Variants in AMMECR1L observed in about 807,000 individuals in gnomAD.
AMMECR1L encodes the protein AMMECR1 like.
AMMECR1L carries 4 observed loss-of-function variants against 36.8 expected under a neutral mutation model. The ratio of observed to expected loss-of-function variants is 0.11; its 90% CI spans 0.05 to 0.25. The LOEUF (loss-of-function observed/expected upper bound fraction) is 0.25. AMMECR1L is among the 10% of genes least tolerant of loss of function. The probability of loss-of-function intolerance (pLI) is 1.00; values close to 1 mark genes in which losing one functional copy is unlikely to be tolerated. For missense variants in AMMECR1L, 232 were observed against 392.1 expected (o/e 0.59, Z 3.45); for synonymous variants, 147 against 148.0 (o/e 0.99, Z 0.05).
intron 2 of AMMECR1L, among the ~76,000 whole-genome samples, chr2:127,879,818 A>G (rs2104776205): frequency 6.6e-6 from 1 of 152,332 alleles, no homozygotes; most frequent in South Asian, 2.1e-4. Flanking sequence ...AGTACTAGGT[A>G]AGGTACTTCA....
chr2:127,866,677 C>G (rs1239886507), intron 7 of AMMECR1L, among the ~76,000 whole-genome samples: 1 of 152,200 alleles, frequency 6.6e-6, no homozygotes, highest in Non-Finnish European at 1.5e-5. Context: ...CAGGGCAGAC[C>G]TGCCCTGCTC....
At chr2:127,882,989 C>T (rs986905726) in intron 2 of AMMECR1L, among the ~76,000 whole-genome samples, 4 of 151,684 alleles carry the variant, frequency 2.6e-5, no homozygotes, top group Admixed American at 2.0e-4. Flanking sequence ...AAGCGATCCT[C>T]CTGCCTCAGC....
rs749582865 is a variant in AMMECR1L, at chr2:127,874,283, T to A, written c.-38-11A>T. ...GAATGCTGCAGAACCCTAACCAAAA[T>A]GAGAAGTTAAGCATTAATTTGACTG... is the stretch of plus-strand genomic sequence containing the variant. On this transcript the variant is annotated splice_polypyrimidine_tract_variant and intron_variant, in intron 2 of 7. Coordinates refer to ENST00000272647, the MANE Select transcript of AMMECR1L (RefSeq NM_001199140.2). The surrounding 1 kb of genome is among the most constrained non-coding windows in gnomAD (Gnocchi z 5.2). 59 of 1,589,114 alleles carry A rather than the reference T, an allele frequency of 3.7e-5. 1 individual carries two copies. The South Asian group carries it at 5.7e-4, about 15-fold the overall frequency.
At chr2:127,879,835 T>G (rs953532219) in intron 2 of AMMECR1L, among the ~76,000 whole-genome samples, 1 of 152,190 alleles carries the variant, frequency 6.6e-6, no homozygotes, top group African/African-American at 2.4e-5. Context: ...TTCAGAATAA[T>G]AGCATTCTAA....
chr2:127,866,837 A>G (rs1408607906), intron 7 of AMMECR1L, 63 bp downstream of exon 7: 2 of 1,469,920 alleles, frequency 1.4e-6, no homozygotes, highest in Non-Finnish European at 1.9e-6. Flanking sequence ...CATCCCATCA[A>G]AATTATCCTC....
At chr2:127,866,705 C>G (rs1015508747) in intron 7 of AMMECR1L, among the ~76,000 whole-genome samples, 195 bp downstream of exon 7, 2 of 152,222 alleles carry the variant, frequency 1.3e-5, no homozygotes, top group Non-Finnish European at 2.9e-5. Flanking sequence ...GCCCCCAGCT[C>G]AGCTATGGAG....
In AMMECR1L at chr2:127,865,996, T is replaced by TATAATA. The variant is rs1057035485; in HGVS notation, c.822-797_822-792dup. On this transcript the variant is annotated intron_variant, in intron 7 of 7. Transcript: ENST00000272647. This position sits in a 1 kb window ranked among gnomAD's most constrained non-coding sequence, Gnocchi z 5.4. Reference sequence around the variant, plus strand: ...CAGGGAAATGGCTGTTCAAATAAATTATAATAATAATAATAATGCTTTGTA... The same window carrying TATAATA: ...CAGGGAAATGGCTGTTCAAATAAATTATAATAATAATAATAATAATAATGCTTTGTA... 6.6e-6 allele frequency among the ~76,000 whole-genome samples: 1 copy of TATAATA among 152,114 alleles called. No homozygotes were observed.
intron 3 of AMMECR1L, chr2:127,872,923 C>T (rs1691054012): frequency 4.4e-6 from 4 of 917,600 alleles, no homozygotes; most frequent in Non-Finnish European, 5.2e-6. Flanking sequence ...CAGGTTTCCT[C>T]TCCTCTGACA....
intron 2 of AMMECR1L, among the ~76,000 whole-genome samples, chr2:127,880,446 A>G (rs556337776): frequency 6.6e-6 from 1 of 152,304 alleles, no homozygotes; most frequent in South Asian, 2.1e-4. Flanking sequence ...TGTCAAATAA[A>G]GTGTGCCCTT....
At position 127,884,301 on chromosome 2, in the gene AMMECR1L, T is replaced by G. The variant is rs1031409130; in HGVS notation, c.-137A>C. The G allele has an allele frequency of 1.3e-5, 2 of 152,172 alleles. No homozygotes were observed. The highest frequency in any genetic ancestry group is 2.9e-5 in the Non-Finnish European group (2 of 68,048). The allele number at this position is 152,172 out of a possible 1,614,324, so 9.4% of individuals were successfully genotyped here. On this transcript the variant is annotated 5_prime_UTR_variant, in exon 2 of 8. Coordinates refer to ENST00000272647, the MANE Select transcript of AMMECR1L (RefSeq NM_001199140.2). ...ATTTTCTTCCTTCCGATTCCATTCCTTCTTCCTGTACCTAAGACGGAAATG... is the reference window on the plus strand; with the variant it reads ...ATTTTCTTCCTTCCGATTCCATTCCGTCTTCCTGTACCTAAGACGGAAATG...
chr2:127,862,619 G>A lies in AMMECR1L; in HGVS notation c.*2475C>T, dbSNP rs895097870. Reference sequence around the variant, plus strand: ...CTCACGGGGCCAAATGGTTTCCCTTGGTCGACTCCTGAGTCCCCTGACAAA... The same window carrying A: ...CTCACGGGGCCAAATGGTTTCCCTTAGTCGACTCCTGAGTCCCCTGACAAA... On this transcript the variant is annotated 3_prime_UTR_variant, in exon 8 of 8. Transcript: ENST00000272647. The A allele has an allele frequency of 1.3e-5, 2 of 152,940 alleles. No individual in the cohort carries two copies. The highest frequency in any genetic ancestry group is 6.5e-5 in the Admixed American group (1 of 15,272). The allele number at this position is 152,940 out of a possible 1,614,324, so 9.5% of individuals were successfully genotyped here.
In AMMECR1L at chr2:127,871,725, C is replaced by G. The variant is rs1231431470; in HGVS notation, c.408-366G>C. ...AAGTCTATTTATCCAGGTAGCCATGCTCCCCCGCTCCGTCTTTCATGATGA... is the reference window on the plus strand; with the variant it reads ...AAGTCTATTTATCCAGGTAGCCATGGTCCCCCGCTCCGTCTTTCATGATGA... On this transcript the variant is annotated intron_variant, in intron 3 of 7. Transcript: ENST00000272647. The surrounding 1 kb of genome is among the most constrained non-coding windows in gnomAD (Gnocchi z 4.3). Among the ~76,000 whole-genome samples the G allele has an allele frequency of 1.3e-5, 2 of 152,124 alleles. No homozygotes were observed. Among genetic ancestry groups the G allele is most frequent in the South Asian group, 4.1e-4 (2 of 4,834 alleles).
Position 127,873,003 on chromosome 2 carries a change from GGAAGAGGCTC to G in AMMECR1L, c.407+815_407+824del. 1.0e-6 allele frequency: 1 copy of G among 985,316 alleles called. No individual in the cohort carries two copies. Among genetic ancestry groups the G allele is most frequent in the Non-Finnish European group, 1.2e-6 (1 of 829,896 alleles). 61.0% of individuals were successfully genotyped at this position (985,316 alleles called of 1,614,324 possible). ...TTGCCAACCTGACAGGCCTCCCAAG[GGAAGAGGCTC>G]CTTTTCTTCACACCCTCTCCATGCC... On this transcript the variant is annotated intron_variant, in intron 3 of 7. Transcript: ENST00000272647. This position sits in a 1 kb window ranked among gnomAD's most constrained non-coding sequence, Gnocchi z 5.2.
In AMMECR1L at chr2:127,864,784, C is replaced by G. The variant is rs952053294; in HGVS notation, c.*310G>C. 4 of 203,096 alleles carry G rather than the reference C, an allele frequency of 2.0e-5. No individual in the cohort carries two copies. The highest frequency in any genetic ancestry group is 5.9e-5 in the Admixed American group (1 of 16,920). The allele number at this position is 203,096 out of a possible 1,614,324, so 12.6% of individuals were successfully genotyped here. A position where few individuals can be genotyped will look rare whatever the true frequency, so the allele number is the denominator to read the frequency against. On this transcript the variant is annotated 3_prime_UTR_variant, in exon 8 of 8. Transcript: ENST00000272647. ...AGCTTCCAGCGTGTGGCCAATACCC[C>G]ATGTGGCAAATACCAGACAAGGGTC...
chr2:127,882,895 C>A (rs373631457), intron 2 of AMMECR1L, among the ~76,000 whole-genome samples: 2 of 150,372 alleles, frequency 1.3e-5, no homozygotes. Flanking sequence ...AGTGACTGTG[C>A]CCAGAATTTT....
chr2:127,865,021 G>A lies in AMMECR1L; in HGVS notation c.*73C>T. 1 of 985,544 alleles carries A rather than the reference G, an allele frequency of 1.0e-6. No homozygotes were observed. The highest frequency in any genetic ancestry group is 1.6e-6 in the Non-Finnish European group (1 of 634,724). 61.0% of individuals were successfully genotyped at this position (985,544 alleles called of 1,614,324 possible). On this transcript the variant is annotated 3_prime_UTR_variant, in exon 8 of 8. Transcript: ENST00000272647. This position sits in a 1 kb window ranked among gnomAD's most constrained non-coding sequence, Gnocchi z 5.4. The stretch of plus-strand genomic sequence containing the variant: ...AATAGAAGTAACTGGACCAGGAAGA[G>A]GAGGCATCTGCTCCAATGATGTCAT...
At chr2:127,866,468 C>T (rs1306329354) in intron 7 of AMMECR1L, among the ~76,000 whole-genome samples, 1 of 152,232 alleles carries the variant, frequency 6.6e-6, no homozygotes, top group Non-Finnish European at 1.5e-5. Context: ...AAGTATTCCC[C>T]ACAAATGAGA....
rs1691081765 is a variant in AMMECR1L at position 127,873,459 on chromosome 2, TC to T, written c.407+368del. 1 of 985,292 alleles carries T rather than the reference TC, an allele frequency of 1.0e-6. No individual in the cohort carries two copies. Among genetic ancestry groups the T allele is most frequent in the African/African-American group, 1.7e-5 (1 of 57,238 alleles). The allele number at this position is 985,292 out of a possible 1,614,324, so 61.0% of individuals were successfully genotyped here. ...TAGTCTCCAGCCTGGCCCTCAGACT[TC>T]CAACTCACCTGGACTTCAACACTAT... On this transcript the variant is annotated intron_variant, in intron 3 of 7. Coordinates refer to ENST00000272647, the MANE Select transcript of AMMECR1L (RefSeq NM_001199140.2). This position sits in a 1 kb window ranked among gnomAD's most constrained non-coding sequence, Gnocchi z 5.2.
intron 5 of AMMECR1L, 58 bp downstream of exon 5, chr2:127,870,756 A>T: frequency 7.3e-7 from 1 of 1,368,572 alleles, no homozygotes; most frequent in Non-Finnish European, 1.0e-6. Flanking sequence ...ATTGCCATGT[A>T]CTAACCCGAA....
Sources: gnomAD v4.1 joint callset for allele counts (sites outside exome capture counted in the v4.1 genomes callset) on GRCh38, gnomAD v4.1.1 for gene constraint, Gnocchi (gnomAD v3.1) non-coding constraint, MANE v1.5 for transcripts, NCBI Gene and HGNC (gene_info 2026-07-23, HGNC 2026-07-21) for gene names.